ATXN1: variants seen among roughly 807,000 people sequenced by gnomAD.
ATXN1 encodes the protein ataxin 1, also known as ataxin-1.
Under a neutral mutation model 56.4 loss-of-function variants are expected in ATXN1, and 8 were observed. The ratio of observed to expected loss-of-function variants is 0.14; its 90% CI spans 0.08 to 0.26. ATXN1 has a LOEUF of 0.26. ATXN1 is among the 10% of genes least tolerant of loss of function. ATXN1 has a pLI of 1.00. For synonymous variants in ATXN1, 514 were observed against 494.6 expected (o/e 1.04, Z -0.52); for missense variants, 987 against 1,106.5 (o/e 0.89, Z 1.53).
At chr6:16,460,588 G>A (rs978088200) in intron 6 of ATXN1, among the ~76,000 whole-genome samples, 8 of 152,166 alleles carry the variant, frequency 5.3e-5, no homozygotes, top group Non-Finnish European at 8.8e-5. Flanking sequence ...AAATACACAC[G>A]TGTGCAGCCC....
intron 2 of ATXN1, among the ~76,000 whole-genome samples, chr6:16,684,587 C>T (rs1313710272): frequency 2.6e-5 from 4 of 152,076 alleles, no homozygotes; most frequent in East Asian, 1.9e-4. Flanking sequence ...CAGAGAACTT[C>T]GGTTATTTGC....
intron 6 of ATXN1, among the ~76,000 whole-genome samples, chr6:16,447,907 G>C (rs980770857): frequency 3.3e-5 from 5 of 152,018 alleles, no homozygotes; most frequent in African/African-American, 1.2e-4. Context: ...TTTCAGAAAA[G>C]CTCTCCATGT....
At chr6:16,562,415 A>G (rs1246915660) in intron 4 of ATXN1, among the ~76,000 whole-genome samples, 4 of 134,622 alleles carry the variant, frequency 3.0e-5, no homozygotes, top group Admixed American at 2.9e-4. Flanking sequence ...AAAGAAGGGG[A>G]ATGGGGAAGG....
intron 2 of ATXN1, among the ~76,000 whole-genome samples, chr6:16,696,837 T>TC (rs372674863): frequency 1.4e-4 from 22 of 152,344 alleles, no homozygotes; most frequent in African/African-American, 5.1e-4. Flanking sequence ...AAAGGTTTTC[T>TC]CCCCTTCTCA....
intron 2 of ATXN1, among the ~76,000 whole-genome samples, chr6:16,746,910 C>A (rs1019645066): frequency 1.1e-4 from 17 of 152,174 alleles, no homozygotes; most frequent in African/African-American, 3.9e-4. Flanking sequence ...CCCGAGAGAT[C>A]ATTTCTTTCA....
intron 2 of ATXN1, among the ~76,000 whole-genome samples, chr6:16,699,044 T>C (rs754644868): frequency 2.9e-4 from 44 of 152,060 alleles, no homozygotes; most frequent in Non-Finnish European, 2.2e-4. Context: ...CAAAGAAAAA[T>C]AGCCTTTTGT....
At chr6:16,676,906 C>A (rs931997947) in intron 2 of ATXN1, among the ~76,000 whole-genome samples, 2 of 151,872 alleles carry the variant, frequency 1.3e-5, no homozygotes, top group Non-Finnish European at 2.9e-5. Flanking sequence ...TTGGGGATAT[C>A]ATTGTGTTCC....
At chr6:16,419,548 G>A (rs540982798) in intron 6 of ATXN1, among the ~76,000 whole-genome samples, 23 of 152,212 alleles carry the variant, frequency 1.5e-4, no homozygotes, top group Middle Eastern at 6.8e-3. Context: ...GGGTGGGTAT[G>A]GCAGTGTGCA....
rs763470838 is a variant in ATXN1, at chr6:16,327,953, A to G, written c.358T>C (p.Tyr120His). 1.9e-6 allele frequency: 3 copies of G among 1,612,916 alleles called. No individual in the cohort carries two copies. The highest frequency in any genetic ancestry group is 2.5e-6 in the Non-Finnish European group (3 of 1,179,878). ...QPGTPVSPVQ[Y>H]AHLPHTFQFI... is the part of the protein sequence containing the mutation. ...TGGAAGGTGTGCGGCAGGTGAGCGT[A>G]CTGCACGGGGGACACCGGGGTCCCT... The change falls in exon 7 of 8, where the codon TAC becomes CAC. Residue 120 changes from tyrosine (Y) to histidine (H), a missense_variant. By Grantham distance (83) the Tyr-to-His change is moderately conservative. Around this residue, in one of 3 missense-constraint regions of ATXN1, gnomAD observed 723 missense variants for 791.7 expected, o/e 0.91. Coordinates refer to ENST00000436367, the MANE Select transcript of ATXN1 (RefSeq NM_001128164.2).
chr6:16,430,843 A>G (rs150211483), intron 6 of ATXN1, among the ~76,000 whole-genome samples: 282 of 152,274 alleles, frequency 1.9e-3, no homozygotes, highest in African/African-American at 6.5e-3. Flanking sequence ...AGTACTGCGT[A>G]CATCCAAGGT....
intron 6 of ATXN1, among the ~76,000 whole-genome samples, chr6:16,424,111 C>T (rs1759093009): frequency 2.0e-5 from 3 of 152,264 alleles, no homozygotes; most frequent in Middle Eastern, 3.4e-3. Context: ...CTTATCAAGA[C>T]CCAGTGGGCC....
intron 6 of ATXN1, among the ~76,000 whole-genome samples, chr6:16,378,808 C>T (rs542258527): frequency 6.6e-6 from 1 of 152,280 alleles, no homozygotes; most frequent in East Asian, 1.9e-4. Flanking sequence ...AGTCCTCCCA[C>T]CTCAGCTTCC....
intron 7 of ATXN1, among the ~76,000 whole-genome samples, chr6:16,323,616 T>C (rs576524718): frequency 2.2e-4 from 32 of 148,540 alleles, no homozygotes; most frequent in African/African-American, 6.5e-4. Flanking sequence ...ACAGCTGAAG[T>C]GGCTGCCTTC....
chr6:16,418,122 G>A (rs879223103), intron 6 of ATXN1, among the ~76,000 whole-genome samples: 14 of 152,164 alleles, frequency 9.2e-5, no homozygotes, highest in African/African-American at 2.4e-4. Flanking sequence ...GTAGAGCTAC[G>A]AAAAGATATT....
Position 16,356,933 on chromosome 6 carries a change from T to C in ATXN1, c.-160-28463A>G, listed in dbSNP as rs368191886. Among the ~76,000 whole-genome samples, 6 of 152,182 alleles carry C rather than the reference T, an allele frequency of 3.9e-5. No homozygotes were observed. The East Asian group carries it at 9.6e-4, about 24-fold the overall frequency. On this transcript the variant is annotated intron_variant, in intron 6 of 7. Coordinates refer to ENST00000436367, the MANE Select transcript of ATXN1 (RefSeq NM_001128164.2). ...CTAGATTGGGAAAGCAGGGGTCATA[T>C]AAAAAGCTAATATGGAGGACTGTGG...
In ATXN1 at chr6:16,579,493, AC is replaced by A. The variant is rs917717347; in HGVS notation, c.-361+6286del. Among the ~76,000 whole-genome samples the A allele has an allele frequency of 5.9e-3, 64 of 10,808 alleles. 12 individuals are homozygous for A. The highest frequency in any genetic ancestry group is 0.015 in the African/African-American group (55 of 3,562). The allele number at this position is 10,808 out of a possible 152,430, so 7.1% of individuals were successfully genotyped here. On this transcript the variant is annotated intron_variant, in intron 4 of 7. Transcript: ENST00000436367. ...ACCTTGGTCAAAGCCCCCCCCCCCC[AC>A]CCGCCGATTCATTCCCAAGTCCAAG...
chr6:16,707,817 T>G (rs554008041), intron 2 of ATXN1, among the ~76,000 whole-genome samples: 54 of 152,142 alleles, frequency 3.5e-4, no homozygotes, highest in Non-Finnish European at 4.4e-4. Flanking sequence ...TACCTAAGTT[T>G]ATGTTTAAAT....
At chr6:16,591,482 C>A (rs1007341991) in intron 3 of ATXN1, among the ~76,000 whole-genome samples, 1 of 152,120 alleles carries the variant, frequency 6.6e-6, no homozygotes, top group African/African-American at 2.4e-5. Context: ...TGCGTCATAA[C>A]ATCTGATGGA....
chr6:16,483,422 G>A (rs1467215146), intron 6 of ATXN1, among the ~76,000 whole-genome samples: 1 of 152,110 alleles, frequency 6.6e-6, no homozygotes, highest in Non-Finnish European at 1.5e-5. Flanking sequence ...ACAGGCTTTG[G>A]GGCATGCAGG....
Sources: gnomAD v4.1 joint callset for allele counts (sites outside exome capture counted in the v4.1 genomes callset) on GRCh38, gnomAD v4.1.1 for gene constraint, gnomAD v4.1.1 regional missense constraint, MANE v1.5 for transcripts, NCBI Gene and HGNC (gene_info 2026-07-23, HGNC 2026-07-21) for gene names.